Variants in HS3ST3A1 observed in about 807,000 individuals in gnomAD.
HS3ST3A1 encodes the protein heparan sulfate-glucosamine 3-sulfotransferase 3A1, also known as heparan sulfate glucosamine 3-O-sulfotransferase 3A1.
A neutral mutation model predicts 25.7 loss-of-function variants in HS3ST3A1; 19 were observed. The observed-to-expected ratio is 0.74, with a 90% CI of 0.52 to 1.08. The LOEUF (loss-of-function observed/expected upper bound fraction) is 1.08, where lower values mean the gene tolerates loss of function less well. HS3ST3A1 is among the 50% of genes least tolerant of loss of function. HS3ST3A1 has a pLI of 0.00. For synonymous variants in HS3ST3A1, 226 were observed against 278.6 expected, an observed-to-expected ratio of 0.81 and a Z score of 1.88; for missense variants, 459 against 594.3, an observed-to-expected ratio of 0.77 and a Z score of 2.37.
intron 1 of HS3ST3A1, among the ~76,000 whole-genome samples, chr17:13,540,249 G>T (rs925101508): frequency 1.3e-5 from 2 of 152,208 alleles, no homozygotes; most frequent in African/African-American, 4.8e-5. Flanking sequence ...TCACTGACCA[G>T]CAGCTTGACA....
chr17:13,534,202 T>C (rs986444863), intron 1 of HS3ST3A1, among the ~76,000 whole-genome samples: 2 of 152,168 alleles, frequency 1.3e-5, no homozygotes, highest in Non-Finnish European at 2.9e-5. Flanking sequence ...CGTTAATGTC[T>C]AACTTACAGT....
chr17:13,502,738 A>C (rs960484768), intron 1 of HS3ST3A1, among the ~76,000 whole-genome samples: 1 of 152,238 alleles, frequency 6.6e-6, no homozygotes, highest in African/African-American at 2.4e-5. Context: ...GCCTCTGGCT[A>C]TTTAGGAAAA....
chr17:13,554,400 A>C (rs1333681258), intron 1 of HS3ST3A1, among the ~76,000 whole-genome samples: 1 of 152,260 alleles, frequency 6.6e-6, no homozygotes, highest in Non-Finnish European at 1.5e-5. Flanking sequence ...CTTATTAAAA[A>C]ATATAAATGA....
At position 13,504,099 on chromosome 17, in the gene HS3ST3A1, G is replaced by T. The variant is rs570471689; in HGVS notation, c.600-7281C>A. ...GGAGGCCGCAGTGGGTGGATCATGA[G>T]GTCAGGAGTTCAAGACCAGCCTGAC... On this transcript the variant is annotated intron_variant, in intron 1 of 1. Coordinates refer to ENST00000284110, the MANE Select transcript of HS3ST3A1 (RefSeq NM_006042.3). 8.5e-5 allele frequency among the ~76,000 whole-genome samples: 13 copies of T among 152,186 alleles called. No individual in the cohort carries two copies. The East Asian group carries it at 2.5e-3, about 29-fold the overall frequency.
intron 1 of HS3ST3A1, among the ~76,000 whole-genome samples, chr17:13,528,603 C>G (rs1489642885): frequency 6.6e-6 from 1 of 152,170 alleles, no homozygotes; most frequent in Admixed American, 6.5e-5. Context: ...AGTTCCCTCT[C>G]TAAGACACCT....
At chr17:13,600,457 G>A (rs1293544534) in intron 1 of HS3ST3A1, 74 bp downstream of exon 1, 4 of 1,453,784 alleles carry the variant, frequency 2.8e-6, no homozygotes, top group Non-Finnish European at 3.6e-6. Context: ...GGGGGTCACC[G>A]AGGGCTCCTC....
chr17:13,600,507 C>A, intron 1 of HS3ST3A1, 24 bp downstream of exon 1: 1 of 1,567,270 alleles, frequency 6.4e-7, no homozygotes, highest in Non-Finnish European at 8.6e-7. Flanking sequence ...TCCTTCAGCC[C>A]CAGCCCGGGC....
intron 1 of HS3ST3A1, among the ~76,000 whole-genome samples, chr17:13,568,935 T>C (rs1315474727): frequency 6.6e-6 from 1 of 152,210 alleles, no homozygotes; most frequent in African/African-American, 2.4e-5. Context: ...CTCAGACCTG[T>C]GGTTTTAATT....
chr17:13,577,595 A>G (rs921020388), intron 1 of HS3ST3A1, among the ~76,000 whole-genome samples: 1 of 152,226 alleles, frequency 6.6e-6, no homozygotes, highest in African/African-American at 2.4e-5. Flanking sequence ...CAGAATACAT[A>G]TAGAATAATA....
At chr17:13,513,230 G>C (rs1251555484) in intron 1 of HS3ST3A1, among the ~76,000 whole-genome samples, 1 of 152,114 alleles carries the variant, frequency 6.6e-6, no homozygotes, top group East Asian at 1.9e-4. Context: ...CACTTCACGC[G>C]GACTAGGTGG....
intron 1 of HS3ST3A1, among the ~76,000 whole-genome samples, chr17:13,542,646 A>G (rs1906968408): frequency 6.6e-6 from 1 of 151,954 alleles, no homozygotes. Context: ...AGGCTACCAT[A>G]TTTTGATATT....
chr17:13,536,218 G>A (rs1906765864), intron 1 of HS3ST3A1, among the ~76,000 whole-genome samples: 1 of 151,972 alleles, frequency 6.6e-6, no homozygotes, highest in Non-Finnish European at 1.5e-5. Context: ...TTTTCAAAGA[G>A]ATAAACCTGA....
At position 13,601,157 on chromosome 17, in the gene HS3ST3A1, C is replaced by T. The variant is rs73298111; in HGVS notation, c.-28G>A. 0.11 allele frequency: 161,393 copies of T among 1,478,940 alleles called. 9,361 individuals are homozygous for T. The highest frequency in any genetic ancestry group is 0.17 in the African/African-American group (11,452 of 69,274). The allele number at this position is 1,478,940 out of a possible 1,614,324, so 91.6% of individuals were successfully genotyped here. A position where few individuals can be genotyped will look rare whatever the true frequency, so the allele number is the denominator to read the frequency against. On this transcript the variant is annotated 5_prime_UTR_variant, in exon 1 of 2. Coordinates refer to ENST00000284110, the MANE Select transcript of HS3ST3A1 (RefSeq NM_006042.3). The stretch of plus-strand genomic sequence containing the variant: ...TAGCCGGAGGCGACGTCGGGCAACG[C>T]GCCGGCCATGCTAGGCCTGGACCCC...
At chr17:13,579,839 G>A (rs1370056610) in intron 1 of HS3ST3A1, among the ~76,000 whole-genome samples, 1 of 150,254 alleles carries the variant, frequency 6.7e-6, no homozygotes, top group Non-Finnish European at 1.5e-5. Flanking sequence ...GGCCGTGGTG[G>A]CGCTTGCCTG....
intron 1 of HS3ST3A1, among the ~76,000 whole-genome samples, chr17:13,571,051 T>C (rs1555541853): frequency 3.3e-5 from 5 of 152,168 alleles, no homozygotes; most frequent in Non-Finnish European, 4.4e-5. Context: ...GAATTCACAA[T>C]TGTGCTATCA....
intron 1 of HS3ST3A1, among the ~76,000 whole-genome samples, chr17:13,549,421 G>A (rs748694151): frequency 1.3e-5 from 2 of 152,184 alleles, no homozygotes; most frequent in African/African-American, 2.4e-5. Context: ...ATAAATTCGG[G>A]ACACAATGTC....
intron 1 of HS3ST3A1, among the ~76,000 whole-genome samples, chr17:13,583,223 C>T (rs1239907743): frequency 1.3e-5 from 2 of 152,186 alleles, no homozygotes; most frequent in African/African-American, 2.4e-5. Context: ...GCCGTTAAAT[C>T]ACATTCCCCT....
intron 1 of HS3ST3A1, among the ~76,000 whole-genome samples, chr17:13,514,063 A>T (rs1173241426): frequency 1.3e-5 from 2 of 152,036 alleles, no homozygotes; most frequent in African/African-American, 4.8e-5. Flanking sequence ...ACCATTTCCC[A>T]GATGTTTATC....
intron 1 of HS3ST3A1, among the ~76,000 whole-genome samples, chr17:13,507,251 A>G (rs768909800): frequency 1.3e-5 from 2 of 152,158 alleles, no homozygotes; most frequent in Non-Finnish European, 2.9e-5. Context: ...CCACAGAACA[A>G]GGTCTGATGT....
Sources: allele counts gnomAD v4.1 joint callset (sites outside exome capture counted in the v4.1 genomes callset), GRCh38; gene constraint gnomAD v4.1.1; transcripts MANE v1.5; gene names NCBI Gene and HGNC (gene_info 2026-07-23, HGNC 2026-07-21).